The following FSHR variants were observed in gnomAD, a reference collection of about 807,000 sequenced individuals.
FSHR encodes the protein follicle-stimulating hormone receptor.
Under a neutral mutation model 52.1 loss-of-function variants are expected in FSHR, and 46 were observed. The ratio of observed to expected loss-of-function variants is 0.88; its 90% confidence interval spans 0.70 to 1.13. The LOEUF is 1.13. FSHR is among the 50% of genes most tolerant of loss of function. FSHR has a pLI of 0.00. For missense variants in FSHR, 964 were observed against 834.6 expected (o/e 1.16, Z -1.91); for synonymous variants, 399 against 309.6 (o/e 1.29, Z -3.03).
intron 1 of FSHR, among the ~76,000 whole-genome samples, chr2:49,127,131 C>T (rs745586892): frequency 3.5e-4 from 53 of 152,182 alleles, no homozygotes; most frequent in South Asian, 6.2e-4. Context: ...AGTTTGAGAC[C>T]GGCCTGGCCA....
chr2:49,005,608 A>C (rs1312703650), intron 4 of FSHR, among the ~76,000 whole-genome samples: 1 of 152,094 alleles, frequency 6.6e-6, no homozygotes, highest in Admixed American at 6.6e-5. Context: ...AGAGGGTTTT[A>C]GGGGTTACTG....
chr2:49,042,565 G>A (rs1013711112), intron 2 of FSHR, among the ~76,000 whole-genome samples: 1 of 148,206 alleles, frequency 6.7e-6, no homozygotes, highest in Non-Finnish European at 1.5e-5. Flanking sequence ...GATGATCACA[G>A]AATGTCCACA....
chr2:49,033,250 A>T (rs1371898283), intron 2 of FSHR, among the ~76,000 whole-genome samples: 1 of 152,200 alleles, frequency 6.6e-6, no homozygotes, highest in Non-Finnish European at 1.5e-5. Flanking sequence ...GGAAACGTGA[A>T]AACTATTGGA....
intron 1 of FSHR, among the ~76,000 whole-genome samples, chr2:49,128,306 C>G (rs910678775): frequency 1.3e-5 from 2 of 151,972 alleles, no homozygotes; most frequent in African/African-American, 4.8e-5. Context: ...TTTTCTTAAA[C>G]TAATAAAGTA....
intron 2 of FSHR, among the ~76,000 whole-genome samples, chr2:49,058,736 A>G (rs999542731): frequency 1.2e-4 from 18 of 152,162 alleles, no homozygotes; most frequent in Non-Finnish European, 2.5e-4. Context: ...CTATGAATAA[A>G]TTTAACTCAA....
Position 48,963,347 on chromosome 2 carries a change from T to C in FSHR, c.1474A>G (p.Met492Val). The change falls in exon 10 of 10, where the codon ATG (methionine) becomes GTG (valine). Residue 492 changes from methionine (M) to valine (V), a missense_variant. Physicochemically the swap from Met to Val is conservative, Grantham distance 21. Coordinates refer to ENST00000406846, the MANE Select transcript of FSHR (RefSeq NM_000145.4). Reference sequence around the variant, plus strand: ...GCTGCAAAAGCAAAAATCCAGCCCATCACCATGACACTGGCAGCATGGCGG... The same window carrying C: ...GCTGCAAAAGCAAAAATCCAGCCCACCACCATGACACTGGCAGCATGGCGG... ...QLRHAASVMV[M>V]GWIFAFAAAL... 6.2e-7 allele frequency: 1 copy of C among 1,613,984 alleles called. No individual in the cohort carries two copies. The highest frequency in any genetic ancestry group is 8.5e-7 in the Non-Finnish European group (1 of 1,179,966).
intron 8 of FSHR, among the ~76,000 whole-genome samples, chr2:48,969,497 G>T (rs1674634676): frequency 6.6e-6 from 1 of 152,150 alleles, no homozygotes; most frequent in Non-Finnish European, 1.5e-5. Context: ...TATGACCTTG[G>T]TCAAGTATGT....
At chr2:49,147,782 T>A (rs1490201218) in intron 1 of FSHR, among the ~76,000 whole-genome samples, 3 of 151,926 alleles carry the variant, frequency 2.0e-5, no homozygotes. Context: ...CCCAGCCCAA[T>A]TAAATTCCAA....
chr2:48,970,545 A>G (rs759287), intron 8 of FSHR, among the ~76,000 whole-genome samples: 107,562 of 152,032 alleles, frequency 0.71, 38,247 homozygotes, highest in African/African-American at 0.75. Flanking sequence ...TTCTTTAAAT[A>G]TTAGTATATC....
At chr2:48,972,748 G>A (rs527942492) in intron 8 of FSHR, among the ~76,000 whole-genome samples, 2 of 152,012 alleles carry the variant, frequency 1.3e-5, no homozygotes, top group Non-Finnish European at 2.9e-5. Context: ...AAGTCCTTTA[G>A]GAACAATTTA....
chr2:49,104,897 G>C (rs75210933), intron 1 of FSHR, among the ~76,000 whole-genome samples: 3 of 152,072 alleles, frequency 2.0e-5, no homozygotes, highest in East Asian at 3.9e-4. Context: ...CTGTGACAGA[G>C]AGGAGACCAC....
At chr2:48,991,114 A>C (rs1675755925) in intron 4 of FSHR, among the ~76,000 whole-genome samples, 1 of 152,052 alleles carries the variant, frequency 6.6e-6, no homozygotes. Context: ...CTCTCCTGGG[A>C]ACTGGTTAGA....
At chr2:49,086,923 C>T (rs1670414576) in intron 1 of FSHR, among the ~76,000 whole-genome samples, 1 of 152,188 alleles carries the variant, frequency 6.6e-6, no homozygotes, top group Non-Finnish European at 1.5e-5. Flanking sequence ...TGTGAGGCAG[C>T]GTGCCTGGCC....
intron 1 of FSHR, among the ~76,000 whole-genome samples, chr2:49,068,556 G>A (rs1669599967): frequency 1.3e-5 from 2 of 152,018 alleles, no homozygotes; most frequent in African/African-American, 4.8e-5. Flanking sequence ...TGACAGAGAT[G>A]GAATATGAAC....
chr2:49,133,344 TG>T (rs1446952854), intron 1 of FSHR, among the ~76,000 whole-genome samples: 1 of 152,152 alleles, frequency 6.6e-6, no homozygotes, highest in Non-Finnish European at 1.5e-5. Context: ...AGTGAATCCA[TG>T]TCAGGAGAGT....
chr2:49,053,065 G>T (rs1668928205), intron 2 of FSHR, among the ~76,000 whole-genome samples: 1 of 152,144 alleles, frequency 6.6e-6, no homozygotes, highest in African/African-American at 2.4e-5. Flanking sequence ...TGGGGGTGGA[G>T]GCTGGAGTGT....
intron 1 of FSHR, among the ~76,000 whole-genome samples, chr2:49,131,871 A>C (rs888952986): frequency 6.6e-6 from 1 of 152,100 alleles, no homozygotes; most frequent in African/African-American, 2.4e-5. Context: ...TACCCAGCAC[A>C]TGCCTCACCC....
At chr2:49,137,406 G>A (rs954500719) in intron 1 of FSHR, among the ~76,000 whole-genome samples, 3 of 151,994 alleles carry the variant, frequency 2.0e-5, no homozygotes, top group Non-Finnish European at 2.9e-5. Context: ...TGTTAAGATG[G>A]CAATACTCCC....
chr2:49,046,169 T>C (rs1053396984), intron 2 of FSHR, among the ~76,000 whole-genome samples: 4 of 152,194 alleles, frequency 2.6e-5, no homozygotes, highest in Non-Finnish European at 5.9e-5. Context: ...CTAAGGGGTA[T>C]ATGAGGCATT....
Sources: gnomAD v4.1 joint callset for allele counts (sites outside exome capture counted in the v4.1 genomes callset) on GRCh38, gnomAD v4.1.1 for gene constraint, MANE v1.5 for transcripts, NCBI Gene and HGNC (gene_info 2026-07-23, HGNC 2026-07-21) for gene names.